The following KCNH8 variants were observed in gnomAD, a reference collection of about 807,000 sequenced individuals.
KCNH8 encodes the protein potassium voltage-gated channel subfamily H member 8.
Under a neutral mutation model 103.6 loss-of-function variants are expected in KCNH8, and 70 were observed. The ratio of observed to expected loss-of-function variants is 0.68; its 90% confidence interval spans 0.56 to 0.82. The LOEUF is 0.82. KCNH8 is among the 40% of genes least tolerant of loss of function. KCNH8 has a pLI of 0.00. For missense variants in KCNH8, 1,217 were observed against 1,329.9 expected (o/e 0.92, Z 1.32); for synonymous variants, 498 against 489.4 (o/e 1.02, Z -0.23).
At chr3:19,341,441 C>T (rs991772852) in intron 3 of KCNH8, among the ~76,000 whole-genome samples, 1 of 152,078 alleles carries the variant, frequency 6.6e-6, no homozygotes, top group African/African-American at 2.4e-5. Flanking sequence ...AGGTGGTCCT[C>T]TCCTGCACTG....
chr3:19,254,427 G>C (rs527795718), intron 2 of KCNH8, among the ~76,000 whole-genome samples: 2 of 152,138 alleles, frequency 1.3e-5, no homozygotes, highest in Admixed American at 6.5e-5. Flanking sequence ...CACAAAACAG[G>C]AGACACTTAG....
intron 5 of KCNH8, among the ~76,000 whole-genome samples, chr3:19,385,330 A>G (rs2066342098): frequency 1.3e-5 from 2 of 152,182 alleles, no homozygotes; most frequent in South Asian, 2.1e-4. Context: ...GTCATGTATC[A>G]ATAGAAAAAA....
intron 10 of KCNH8, 121 bp from the exon 11 acceptor site, chr3:19,456,647 G>C: frequency 1.5e-6 from 1 of 666,530 alleles, no homozygotes; most frequent in South Asian, 2.0e-5. Flanking sequence ...CCTGCCCCAA[G>C]GTAAACATTC....
At chr3:19,265,981 T>TC (rs1226809733) in intron 2 of KCNH8, among the ~76,000 whole-genome samples, 1 of 151,990 alleles carries the variant, frequency 6.6e-6, no homozygotes, top group Non-Finnish European at 1.5e-5. Flanking sequence ...CAATAACTCA[T>TC]CTCAATCTGC....
intron 11 of KCNH8, among the ~76,000 whole-genome samples, chr3:19,490,127 G>A (rs185473880): frequency 8.3e-4 from 127 of 152,300 alleles, no homozygotes; most frequent in African/African-American, 2.6e-3. Context: ...CAAGCTGGCC[G>A]GAGTCCCCCG....
intron 3 of KCNH8, among the ~76,000 whole-genome samples, chr3:19,312,810 A>G (rs1247890345): frequency 6.6e-6 from 1 of 151,908 alleles, no homozygotes; most frequent in African/African-American, 2.4e-5. Flanking sequence ...ACTGGGTTAG[A>G]TGTTCTACAA....
chr3:19,211,784 A>T (rs372813680), intron 1 of KCNH8, among the ~76,000 whole-genome samples: 43 of 152,312 alleles, frequency 2.8e-4, no homozygotes, highest in East Asian at 2.3e-3. Context: ...ATGGAAAGTC[A>T]TGCTGGATTT....
At chr3:19,303,034 A>G (rs1356963984) in intron 3 of KCNH8, among the ~76,000 whole-genome samples, 3 of 152,090 alleles carry the variant, frequency 2.0e-5, no homozygotes. Flanking sequence ...TCCATACCGA[A>G]CCTCAATCTG....
intron 1 of KCNH8, among the ~76,000 whole-genome samples, chr3:19,236,242 T>C (rs1313325866): frequency 1.3e-5 from 2 of 152,216 alleles, no homozygotes; most frequent in East Asian, 3.9e-4. Flanking sequence ...AAGTCTTCAT[T>C]TGAGTCTTTG....
chr3:19,318,670 C>CGTGTGTGT (rs2065309359), intron 3 of KCNH8, among the ~76,000 whole-genome samples: 7 of 147,802 alleles, frequency 4.7e-5, no homozygotes, highest in African/African-American at 1.8e-4. Context: ...TGTACACACA[C>CGTGTGTGT]ACACACACAC....
chr3:19,438,219 CTT>C lies in KCNH8; in HGVS notation c.1234_1235del (p.Leu412GlyfsTer31). ...AATCTCCATACTATGGCAACAATAC[CTT>C]GGGGGGCCCGTCGATCCGAAGTGCC... ...LESPYYGNNT[L>X]GGPSIRSAYI... is the part of the protein sequence containing the mutation. On this transcript the variant is annotated frameshift_variant, in exon 8 of 16. Coordinates refer to ENST00000328405, the MANE Select transcript of KCNH8 (RefSeq NM_144633.3). LOFTEE classifies it high-confidence loss of function. 6.2e-7 allele frequency: 1 copy of C among 1,614,040 alleles called. No individual in the cohort carries two copies. The highest frequency in any genetic ancestry group is 8.5e-7 in the Non-Finnish European group (1 of 1,179,990).
chr3:19,308,695 T>TCCCC (rs1559470033), intron 3 of KCNH8, among the ~76,000 whole-genome samples: 4 of 60,668 alleles, frequency 6.6e-5, no homozygotes, highest in Non-Finnish European at 1.3e-4. Flanking sequence ...TCTCTCTCTC[T>TCCCC]CTCTCTCTCT....
chr3:19,519,705 A>C (rs1178289667), intron 15 of KCNH8, among the ~76,000 whole-genome samples: 2 of 151,506 alleles, frequency 1.3e-5, no homozygotes, highest in African/African-American at 4.9e-5. Context: ...AACTAATGCA[A>C]CTCCCCGTTG....
At chr3:19,492,687 A>G (rs1198224247) in intron 11 of KCNH8, among the ~76,000 whole-genome samples, 1 of 152,022 alleles carries the variant, frequency 6.6e-6, no homozygotes, top group East Asian at 1.9e-4. Context: ...TTCCATATGA[A>G]TTTTAAAATA....
chr3:19,293,677 A>G (rs1277762242), intron 3 of KCNH8, among the ~76,000 whole-genome samples: 2 of 152,202 alleles, frequency 1.3e-5, no homozygotes, highest in Non-Finnish European at 2.9e-5. Flanking sequence ...GTTTTATAGC[A>G]TGTATGCCTA....
rs537980592 is a variant in KCNH8, at chr3:19,162,355, A to G, written c.76+13560A>G. Among the ~76,000 whole-genome samples the G allele has an allele frequency of 6.7e-4, 100 of 148,456 alleles. No homozygotes were observed. The South Asian group carries it at 0.011, about 17-fold the overall frequency. ...GGTGAAAACCCATCTGTAACTAAAA[A>G]TACAAAAAAAAAAAAAAAAAGTATC... On this transcript the variant is annotated intron_variant, in intron 1 of 15. Transcript: ENST00000328405.
intron 3 of KCNH8, among the ~76,000 whole-genome samples, chr3:19,336,565 T>A (rs879624888): frequency 4.2e-4 from 64 of 152,020 alleles, no homozygotes; most frequent in South Asian, 8.3e-4. Context: ...ATTAATAACA[T>A]GTAAATCAAT....
intron 10 of KCNH8, among the ~76,000 whole-genome samples, chr3:19,451,721 A>G (rs2067450784): frequency 1.3e-5 from 2 of 152,176 alleles, no homozygotes; most frequent in Non-Finnish European, 2.9e-5. Flanking sequence ...ATTATTAATC[A>G]TGATATATAC....
Position 19,481,400 on chromosome 3 carries a change from T to A in KCNH8, c.2040+24418T>A, listed in dbSNP as rs565772036. ...ACCTCCAAAAGTCTAGTCTTTTTTT[T>A]AAAAAAGTTATCCCCAGTAGAGATT... On this transcript the variant is annotated intron_variant, in intron 11 of 15. Coordinates refer to ENST00000328405, the MANE Select transcript of KCNH8 (RefSeq NM_144633.3). Among the ~76,000 whole-genome samples the A allele has an allele frequency of 8.3e-4, 127 of 152,226 alleles. 1 individual carries two copies. Among genetic ancestry groups the A allele is most frequent in the South Asian group, 2.7e-3 (13 of 4,824 alleles).
Sources: gnomAD v4.1 joint callset for allele counts (sites outside exome capture counted in the v4.1 genomes callset) on GRCh38, gnomAD v4.1.1 for gene constraint, MANE v1.5 for transcripts, NCBI Gene and HGNC (gene_info 2026-07-23, HGNC 2026-07-21) for gene names.